Variants in NR3C2 observed in about 807,000 individuals in gnomAD.
The protein encoded by NR3C2 is mineralocorticoid receptor.
NR3C2 carries 15 observed loss-of-function variants against 86.4 expected under a neutral mutation model. The observed-to-expected ratio is 0.17, with a 90% CI of 0.12 to 0.27. The LOEUF is 0.27. Ranked by LOEUF, NR3C2 falls within the 10% of genes least tolerant of loss-of-function variation. The pLI is 1.00. For missense variants in NR3C2, 960 were observed against 1,195.6 expected, an observed-to-expected ratio of 0.80 and a Z score of 2.91; for synonymous variants, 458 against 450.5, an observed-to-expected ratio of 1.02 and a Z score of -0.21.
At position 148,104,051 on chromosome 4, in the gene NR3C2, C is replaced by A. The variant is rs146506427; in HGVS notation, c.2799+10053G>T. Among the ~76,000 whole-genome samples, 361 of 152,256 alleles carry A rather than the reference C, an allele frequency of 2.4e-3. 1 individual carries two copies. Among genetic ancestry groups the A allele is most frequent in the African/African-American group, 8.1e-3 (335 of 41,564 alleles). The stretch of plus-strand genomic sequence containing the variant: ...TAAGCATCCATTGGCACAAGTCAGC[C>A]AGAGCAATGTATTCTGAACTAGGCT... On this transcript the variant is annotated intron_variant, in intron 8 of 8. Coordinates refer to ENST00000358102, the MANE Select transcript of NR3C2 (RefSeq NM_000901.5).
rs993913800 is a variant in NR3C2, at chr4:148,353,770, T to C, written c.1757+81334A>G. Among the ~76,000 whole-genome samples, 6 of 152,264 alleles carry C rather than the reference T, an allele frequency of 3.9e-5. No homozygotes were observed. The South Asian group carries it at 1.0e-3, about 26-fold the overall frequency. On this transcript the variant is annotated intron_variant, in intron 2 of 8. Transcript: ENST00000358102. ...TCTGTATGTGAGTCATATTAGAGGA[T>C]CTAATATCATTCTTCTTACTGACTT...
At chr4:148,132,666 G>A (rs565828190) in intron 6 of NR3C2, among the ~76,000 whole-genome samples, 16 of 152,080 alleles carry the variant, frequency 1.1e-4, no homozygotes, top group Non-Finnish European at 1.6e-4. Flanking sequence ...TCTAAGTGTC[G>A]ACTAGACTAT....
rs527562430 is a variant in NR3C2, at chr4:148,092,318, C to T, written c.2800-10819G>A. Among the ~76,000 whole-genome samples the T allele has an allele frequency of 6.6e-5, 10 of 152,272 alleles. No individual in the cohort carries two copies. In the South Asian group the frequency reaches 1.9e-3, roughly 28 times the overall value. ...CACTTTCTCTTTAACCTGCTGTCCA[C>T]ATCTTTATGGGTTTAACCTGTCCTA... On this transcript the variant is annotated intron_variant, in intron 8 of 8. Transcript: ENST00000358102.
intron 2 of NR3C2, among the ~76,000 whole-genome samples, chr4:148,427,422 A>C (rs1232938039): frequency 6.6e-6 from 1 of 152,050 alleles, no homozygotes; most frequent in Non-Finnish European, 1.5e-5. Flanking sequence ...AGGTATCCAC[A>C]GTGAAGAAAG....
intron 3 of NR3C2, among the ~76,000 whole-genome samples, chr4:148,233,035 A>G (rs1738545624): frequency 1.3e-5 from 2 of 152,196 alleles, no homozygotes; most frequent in African/African-American, 4.8e-5. Context: ...TATCCAGACC[A>G]CTAAAACTTT....
chr4:148,137,681 T>C (rs930524502), intron 6 of NR3C2, among the ~76,000 whole-genome samples: 1 of 152,178 alleles, frequency 6.6e-6, no homozygotes, highest in East Asian at 1.9e-4. Context: ...GGTTCTCAAA[T>C]TGTGGTCTGA....
At chr4:148,123,426 T>C (rs1016100076) in intron 6 of NR3C2, among the ~76,000 whole-genome samples, 1 of 152,220 alleles carries the variant, frequency 6.6e-6, no homozygotes, top group Non-Finnish European at 1.5e-5. Context: ...CTCAGAAGCA[T>C]GTGATCTTTG....
intron 6 of NR3C2, among the ~76,000 whole-genome samples, chr4:148,144,566 A>T (rs1407221351): frequency 6.6e-6 from 1 of 152,230 alleles, no homozygotes; most frequent in African/African-American, 2.4e-5. Flanking sequence ...ATACTATTTT[A>T]AAAAGAAGTA....
At chr4:148,106,922 G>A (rs1215581087) in intron 8 of NR3C2, among the ~76,000 whole-genome samples, 2 of 152,126 alleles carry the variant, frequency 1.3e-5, no homozygotes, top group Admixed American at 6.5e-5. Context: ...AGAAAACCTA[G>A]GCAATACCTT....
chr4:148,256,037 A>G (rs147461034), intron 3 of NR3C2, among the ~76,000 whole-genome samples: 182 of 152,332 alleles, frequency 1.2e-3, no homozygotes, highest in African/African-American at 4.0e-3. Flanking sequence ...CTTCTCTAAA[A>G]ACTTCTAACA....
intron 4 of NR3C2, among the ~76,000 whole-genome samples, chr4:148,158,330 T>C (rs950401854): frequency 6.6e-6 from 1 of 152,220 alleles, no homozygotes; most frequent in Non-Finnish European, 1.5e-5. Context: ...AAGAAAATAC[T>C]CAATAGCATT....
At chr4:148,140,785 C>T (rs1733568466) in intron 6 of NR3C2, among the ~76,000 whole-genome samples, 1 of 152,188 alleles carries the variant, frequency 6.6e-6, no homozygotes, top group Admixed American at 6.5e-5. Flanking sequence ...ATCATTACTA[C>T]TCTATCTGAT....
chr4:148,108,705 C>T (rs569922741), intron 8 of NR3C2, among the ~76,000 whole-genome samples: 2 of 152,302 alleles, frequency 1.3e-5, no homozygotes, highest in South Asian at 4.2e-4. Flanking sequence ...GGTAGGTTCC[C>T]ATCCAGGTCT....
chr4:148,316,762 G>A (rs1474384395), intron 2 of NR3C2, among the ~76,000 whole-genome samples: 1 of 151,940 alleles, frequency 6.6e-6, no homozygotes, highest in Admixed American at 6.6e-5. Flanking sequence ...AAAATTAAAT[G>A]CCCTCCATTA....
At chr4:148,136,049 T>C in intron 6 of NR3C2, among the ~76,000 whole-genome samples, 2 of 52,774 alleles carry the variant, frequency 3.8e-5, no homozygotes, top group Admixed American at 2.9e-4. Context: ...AGAGCGAGAC[T>C]CCGTCTCAAA....
intron 2 of NR3C2, among the ~76,000 whole-genome samples, chr4:148,336,923 C>T (rs1744521546): frequency 6.6e-6 from 1 of 152,144 alleles, no homozygotes; most frequent in Admixed American, 6.5e-5. Flanking sequence ...TCAGGAGTAG[C>T]TGGGACTACA....
At chr4:148,403,442 C>A (rs1385811288) in intron 2 of NR3C2, among the ~76,000 whole-genome samples, 2 of 151,990 alleles carry the variant, frequency 1.3e-5, no homozygotes, top group African/African-American at 4.8e-5. Flanking sequence ...GGAAGGTGAT[C>A]AAGCCCATAG....
chr4:148,352,384 CTA>C (rs1491025367), intron 2 of NR3C2, among the ~76,000 whole-genome samples: 46 of 136,024 alleles, frequency 3.4e-4, no homozygotes, highest in Middle Eastern at 3.5e-3. Context: ...ATCTATCTAT[CTA>C]TCTATCTATC....
chr4:148,083,280 A>C (rs1217926016), intron 8 of NR3C2, among the ~76,000 whole-genome samples: 1 of 152,104 alleles, frequency 6.6e-6, no homozygotes, highest in African/African-American at 2.4e-5. Context: ...CCTCCTGACA[A>C]AGAGACACCT....
Sources: allele counts gnomAD v4.1 joint callset (sites outside exome capture counted in the v4.1 genomes callset), GRCh38; gene constraint gnomAD v4.1.1; transcripts MANE v1.5; gene names NCBI Gene and HGNC (gene_info 2026-07-23, HGNC 2026-07-21).